Variants in CGREF1 observed in about 807,000 individuals in gnomAD.
The protein encoded by CGREF1 is cell growth regulator with EF hand domain protein 1.
A neutral mutation model predicts 17.4 loss-of-function variants in CGREF1; 16 were observed. That is an observed-to-expected ratio of 0.92 (90% CI 0.62 to 1.40). The LOEUF (loss-of-function observed/expected upper bound fraction) is 1.40, where lower values mean the gene tolerates loss of function less well. Among genes scored for constraint, CGREF1 ranks in the 40% most tolerant of loss-of-function variants. The pLI is 0.00. For synonymous variants in CGREF1, 142 were observed against 154.6 expected (o/e 0.92, Z 0.61); for missense variants, 296 against 376.4 (o/e 0.79, Z 1.77).
In CGREF1 at chr2:27,109,643, T is replaced by C. The variant is rs555562813; in HGVS notation, c.-11-5266A>G. 3.9e-5 allele frequency among the ~76,000 whole-genome samples: 6 copies of C among 152,246 alleles called. No homozygotes were observed. In the East Asian group the frequency reaches 9.7e-4, roughly 25 times the overall value. On this transcript the variant is annotated intron_variant, in intron 1 of 5. Transcript: ENST00000402394. ...GCTCACGCCTGTAATCCCAGCACTCTGGGAGGCCGAGGTGGGCGGATCACC... is the reference window on the plus strand; with the variant it reads ...GCTCACGCCTGTAATCCCAGCACTCCGGGAGGCCGAGGTGGGCGGATCACC...
rs766986367 is a variant in CGREF1, at chr2:27,102,447, G to T, written c.147-17C>A. On this transcript the variant is annotated splice_polypyrimidine_tract_variant and intron_variant, in intron 3 of 5. Coordinates refer to ENST00000402394, the MANE Select transcript of CGREF1 (RefSeq NM_006569.6). Reference sequence around the variant, plus strand: ...TGCAGAAGTCTGTCAGAAAAGTGGAGAATCAGCCCGGGAGAGGTGAGTCTG... The same window carrying T: ...TGCAGAAGTCTGTCAGAAAAGTGGATAATCAGCCCGGGAGAGGTGAGTCTG... 6.8e-6 allele frequency: 11 copies of T among 1,613,890 alleles called. No homozygotes were observed. Among genetic ancestry groups the T allele is most frequent in the Non-Finnish European group, 9.3e-6 (11 of 1,179,844 alleles).
At chr2:27,108,252 TAAA>T (rs928854147) in intron 1 of CGREF1, among the ~76,000 whole-genome samples, 1 of 151,760 alleles carries the variant, frequency 6.6e-6, no homozygotes, top group African/African-American at 2.4e-5. Flanking sequence ...GAGACTGTCT[TAAA>T]AAAATAAATA....
intron 1 of CGREF1, chr2:27,104,827 AAG>A (rs761155210): frequency 1.2e-4 from 171 of 1,438,996 alleles, no homozygotes; most frequent in Non-Finnish European, 1.4e-4. Flanking sequence ...CACAGGCAAA[AAG>A]AGAAATGGAC....
chr2:27,099,820 C>T (rs1166026607), downstream of CGREF1: 4 of 1,573,872 alleles, frequency 2.5e-6, no homozygotes, highest in East Asian at 9.5e-5. Flanking sequence ...CCCCTCCATC[C>T]AGCCTGGCGT....
chr2:27,102,274 C>T, intron 4 of CGREF1, 53 bp from the exon 5 acceptor site: 4 of 1,611,692 alleles, frequency 2.5e-6, no homozygotes, highest in Non-Finnish European at 3.4e-6. Flanking sequence ...GTGGAGAAGG[C>T]AGGAGTCAAT....
chr2:27,110,408 C>T (rs62128702), intron 1 of CGREF1, among the ~76,000 whole-genome samples: 2 of 284 alleles, frequency 7.0e-3, no homozygotes, highest in Non-Finnish European at 0.026. Flanking sequence ...CAAAAAAATA[C>T]ACACACACAC....
At chr2:27,103,237 T>A in intron 2 of CGREF1, 1 of 298,582 alleles carries the variant, frequency 3.3e-6, no homozygotes, top group Non-Finnish European at 4.9e-6. Context: ...CCAGCCCCTG[T>A]GGCTGTTCCT....
At chr2:27,116,899 CT>C (rs1671597871) in intron 1 of CGREF1, among the ~76,000 whole-genome samples, 1 of 130,740 alleles carries the variant, frequency 7.6e-6, no homozygotes, top group Non-Finnish European at 1.6e-5. Flanking sequence ...CTCTCTCTCT[CT>C]CTCTCTCTCT....
chr2:27,101,796 T>C lies in CGREF1; in HGVS notation c.435A>G (p.Val145=), dbSNP rs1670870437. 1 of 1,614,100 alleles carries C rather than the reference T, an allele frequency of 6.2e-7. No homozygotes were observed. The highest frequency in any genetic ancestry group is 8.5e-7 in the Non-Finnish European group (1 of 1,180,044). Residue 145 remains valine, a synonymous_variant, in exon 6 of 6, where the codon GTA becomes GTG. Coordinates refer to ENST00000402394, the MANE Select transcript of CGREF1 (RefSeq NM_006569.6). ...TPAELINFPG[V]ALRHVEPGEP... is the part of the protein sequence containing the mutation. ...CTCCGGGCTCCACGTGCCTGAGGGC[T>C]ACTCCCGGGAAGTTGATGAGCTCAG...
intron 1 of CGREF1, among the ~76,000 whole-genome samples, chr2:27,117,316 T>C (rs1485323209): frequency 2.0e-5 from 3 of 152,218 alleles, no homozygotes; most frequent in Non-Finnish European, 4.4e-5. Context: ...ATGAGGTTAG[T>C]GCGATGTGTT....
intron 1 of CGREF1, among the ~76,000 whole-genome samples, chr2:27,110,338 G>A (rs1392294361): frequency 6.6e-6 from 1 of 152,028 alleles, no homozygotes; most frequent in East Asian, 1.9e-4. Context: ...GGACATTGAG[G>A]CAGTAGTAAG....
chr2:27,117,091 T>G (rs1671616241), intron 1 of CGREF1, among the ~76,000 whole-genome samples: 1 of 151,544 alleles, frequency 6.6e-6, no homozygotes, highest in Non-Finnish European at 1.5e-5. Flanking sequence ...TTTTGTATTT[T>G]TAGTAGAGAC....
downstream of CGREF1, chr2:27,100,019 C>CA: frequency 1.5e-6 from 1 of 682,952 alleles, no homozygotes; most frequent in Non-Finnish European, 2.5e-6. Flanking sequence ...TCCTGAGGCT[C>CA]TGACTCTTCG....
intron 1 of CGREF1, among the ~76,000 whole-genome samples, chr2:27,114,293 C>T (rs1038965436): frequency 3.3e-5 from 5 of 151,400 alleles, no homozygotes; most frequent in African/African-American, 1.2e-4. Context: ...ACACCCGGCC[C>T]TCAGATGCCT....
At chr2:27,109,386 A>G (rs869135197) in intron 1 of CGREF1, among the ~76,000 whole-genome samples, 22 of 150,026 alleles carry the variant, frequency 1.5e-4, no homozygotes, top group African/African-American at 4.2e-4. Flanking sequence ...AAAAAAAAAA[A>G]GGGTTTGAAA....
Position 27,101,881 on chromosome 2 carries a change from A to C in CGREF1, c.350T>G (p.Leu117Trp). ...ANSPTTNPVI[L>W]IVDKVLETQD... Reference sequence around the variant, plus strand: ...GGTCTCGAGCACTTTGTCCACTATCAAGATCACCTGTGGAAGCAGAGTCAC... The same window carrying C: ...GGTCTCGAGCACTTTGTCCACTATCCAGATCACCTGTGGAAGCAGAGTCAC... The change falls in exon 6 of 6, where the codon TTG becomes TGG. Residue 117 changes from leucine to tryptophan, a missense_variant. Physicochemically the swap from Leu to Trp is moderately conservative, Grantham distance 61. This residue lies in a region of CGREF1 where 247 missense variants were observed against 267.2 expected (regional missense o/e 0.92). Transcript: ENST00000402394. 1.2e-6 allele frequency: 2 copies of C among 1,611,746 alleles called. No individual in the cohort carries two copies. The highest frequency in any genetic ancestry group is 1.7e-6 in the Non-Finnish European group (2 of 1,179,054).
intron 1 of CGREF1, among the ~76,000 whole-genome samples, chr2:27,116,866 G>T: frequency 1.4e-5 from 1 of 72,584 alleles, no homozygotes; most frequent in South Asian, 6.4e-4. Context: ...ACCAGGCCAG[G>T]CCTATTCTCT....
chr2:27,104,363 A>G lies in CGREF1; in HGVS notation c.4T>C (p.Leu2=). M[L]PLTMTVLILL... ...ATTAACACTGTCATCGTCAAAGGTA[A>G]CATCCTTCCTGGAACTGGAACAAGG... is the stretch of plus-strand genomic sequence containing the variant. Residue 2 remains leucine, a synonymous_variant, in exon 2 of 6, where the codon TTA becomes CTA. Coordinates refer to ENST00000402394, the MANE Select transcript of CGREF1 (RefSeq NM_006569.6). 6.2e-7 allele frequency: 1 copy of G among 1,613,060 alleles called. No individual in the cohort carries two copies. Among genetic ancestry groups the G allele is most frequent in the Middle Eastern group, 1.7e-4 (1 of 6,054 alleles).
intron 1 of CGREF1, among the ~76,000 whole-genome samples, chr2:27,105,045 A>G (rs917157161): frequency 1.3e-5 from 2 of 152,244 alleles, no homozygotes; most frequent in African/African-American, 4.8e-5. Flanking sequence ...TAAGACTGAC[A>G]TGGCTTAGGC....
Sources: gnomAD v4.1 joint callset for allele counts (sites outside exome capture counted in the v4.1 genomes callset) on GRCh38, gnomAD v4.1.1 for gene constraint, gnomAD v4.1.1 regional missense constraint, MANE v1.5 for transcripts, NCBI Gene and HGNC (gene_info 2026-07-23, HGNC 2026-07-21) for gene names.